The following DNMBP variants were observed in gnomAD, a reference collection of about 807,000 sequenced individuals.
DNMBP encodes dynamin binding protein.
Under a neutral mutation model 150.0 loss-of-function variants are expected in DNMBP, and 87 were observed. That is an observed-to-expected ratio of 0.58 (90% CI 0.49 to 0.69). DNMBP has a LOEUF of 0.69. DNMBP is among the 30% of genes least tolerant of loss of function. The probability of loss-of-function intolerance (pLI) is 0.00; values close to 1 mark genes in which losing one functional copy is unlikely to be tolerated. For missense variants in DNMBP, 1,774 were observed against 1,949.0 expected (o/e 0.91, Z 1.69); for synonymous variants, 711 against 750.4 (o/e 0.95, Z 0.86).
intron 1 of DNMBP, among the ~76,000 whole-genome samples, chr10:99,986,662 T>C (rs970085506): frequency 2.2e-5 from 3 of 137,266 alleles, no homozygotes; most frequent in Non-Finnish European, 4.6e-5. Flanking sequence ...TAATATTTAA[T>C]GAAGAAAACG....
intron 1 of DNMBP, among the ~76,000 whole-genome samples, chr10:99,978,780 C>T (rs1294025320): frequency 6.6e-6 from 1 of 152,122 alleles, no homozygotes; most frequent in Non-Finnish European, 1.5e-5. Flanking sequence ...CCATGTTGCC[C>T]AGGCTGGTGG....
rs543658844 is a variant in DNMBP at position 99,963,377 on chromosome 10, C to T, written c.268+5738G>A. On this transcript the variant is annotated intron_variant, in intron 3 of 16. Coordinates refer to ENST00000324109, the MANE Select transcript of DNMBP (RefSeq NM_015221.4). ...TGGGTCACCATATTCTGCCTCAATG[C>T]CCCTGTTTTATAGCCCTGTTACTGA... is the stretch of plus-strand genomic sequence containing the variant. 2.0e-4 allele frequency among the ~76,000 whole-genome samples: 30 copies of T among 151,552 alleles called. No individual in the cohort carries two copies. In the South Asian group the frequency reaches 5.8e-3, roughly 30 times the overall value.
In DNMBP at chr10:99,969,099, T is replaced by C. The variant is rs1021511621; in HGVS notation, c.268+16A>G. The C allele has an allele frequency of 6.8e-6, 11 of 1,613,344 alleles. No homozygotes were observed. Among genetic ancestry groups the C allele is most frequent in the African/African-American group, 1.3e-5 (1 of 74,886 alleles). ...AATCTAATTTCAAATAGTCTACTAT[T>C]TGATGAGCAGCTTACCTCGATGGAG... On this transcript the variant is annotated intron_variant, in intron 3 of 16. Transcript: ENST00000324109.
intron 1 of DNMBP, among the ~76,000 whole-genome samples, chr10:99,995,913 C>T (rs776887735): frequency 3.9e-5 from 6 of 152,246 alleles, no homozygotes; most frequent in Non-Finnish European, 8.8e-5. Flanking sequence ...CTACAATGGG[C>T]AGTTCTCTGC....
Position 99,885,852 on chromosome 10 carries a change from A to G in DNMBP, c.3633T>C (p.Ala1211=), listed in dbSNP as rs1564715737. The G allele has an allele frequency of 1.9e-6, 3 of 1,612,222 alleles. No homozygotes were observed. The highest frequency in any genetic ancestry group is 2.5e-6 in the Non-Finnish European group (3 of 1,179,092). The change falls in exon 14 of 17, where the codon GCT becomes GCC. Residue 1211 remains alanine (A), a synonymous_variant. Coordinates refer to ENST00000324109, the MANE Select transcript of DNMBP (RefSeq NM_015221.4). ...TGGCAATAAGGTTTCCCTCTCTGCC[A>G]GCCACTTTGAGTAACTGGGGTCCAT... The part of the protein sequence containing the change: ...LKPLLSLLKV[A]GREGNLIAIF...
chr10:99,902,787 G>A (rs1037696922), intron 6 of DNMBP, among the ~76,000 whole-genome samples: 12 of 151,662 alleles, frequency 7.9e-5, no homozygotes, highest in African/African-American at 2.9e-4. Flanking sequence ...AATTAGCCAG[G>A]CATGGTGGCA....
chr10:99,914,214 G>T, intron 4 of DNMBP: 1 of 856,582 alleles, frequency 1.2e-6, no homozygotes, highest in Non-Finnish European at 1.6e-6. Context: ...AGCAGTACCT[G>T]GATCAACACC....
intron 1 of DNMBP, among the ~76,000 whole-genome samples, chr10:99,990,776 CATATAT>C (rs1327444426): frequency 9.2e-6 from 1 of 109,072 alleles, no homozygotes; most frequent in East Asian, 2.3e-4. Context: ...CATATATACA[CATATAT>C]ACACACATAT....
At chr10:99,957,278 A>G in intron 3 of DNMBP, 73 bp from the exon 4 acceptor site, 1 of 1,331,558 alleles carries the variant, frequency 7.5e-7, no homozygotes, top group Non-Finnish European at 1.0e-6. Flanking sequence ...TAATAGTGCA[A>G]CCTCTCATTT....
intron 6 of DNMBP, among the ~76,000 whole-genome samples, chr10:99,900,999 G>A (rs568375980): frequency 4.6e-5 from 7 of 152,040 alleles, no homozygotes; most frequent in East Asian, 3.9e-4. Flanking sequence ...GCAGTGGTAC[G>A]ATCTTGGCTC....
chr10:99,922,502 G>GT (rs71189108), intron 4 of DNMBP, among the ~76,000 whole-genome samples: 2,124 of 78,766 alleles, frequency 0.027, 47 homozygotes, highest in South Asian at 0.059. Flanking sequence ...AGCTGCTGCT[G>GT]TTTTTTTTTT....
rs144269918 is a variant in DNMBP at position 99,910,093 on chromosome 10, T to C, written c.2261-947A>G. On this transcript the variant is annotated intron_variant, in intron 4 of 16. Transcript: ENST00000324109. ...CAATTAAACAACTACAAATTTGGTA[T>C]GTAAATATACTAGTAAGTCTGAGTA... is the stretch of plus-strand genomic sequence containing the variant. 2.3e-3 allele frequency among the ~76,000 whole-genome samples: 350 copies of C among 152,374 alleles called. 4 individuals are homozygous for C. Among genetic ancestry groups the C allele is most frequent in the Admixed American group, 0.016 (250 of 15,304 alleles).
chr10:99,954,597 A>C (rs1023478045), intron 4 of DNMBP, among the ~76,000 whole-genome samples: 1 of 151,864 alleles, frequency 6.6e-6, no homozygotes, highest in Non-Finnish European at 1.5e-5. Context: ...ATACAAAATT[A>C]GCCAGGCATG....
intron 11 of DNMBP, among the ~76,000 whole-genome samples, chr10:99,892,196 A>T (rs1335549408): frequency 1.4e-5 from 2 of 143,914 alleles, no homozygotes; most frequent in Non-Finnish European, 3.1e-5. Flanking sequence ...CTGCCCGGCC[A>T]GCCGCCCCGT....
chr10:99,928,087 A>G (rs2040102776), intron 4 of DNMBP: 1 of 152,186 alleles, frequency 6.6e-6, no homozygotes, highest in Non-Finnish European at 1.5e-5. Context: ...TGCACCTAGG[A>G]AAAAATGACT....
chr10:99,972,651 C>T (rs1367815829), intron 1 of DNMBP, among the ~76,000 whole-genome samples: 1 of 152,162 alleles, frequency 6.6e-6, no homozygotes, highest in African/African-American at 2.4e-5. Flanking sequence ...CGCTTTATCA[C>T]CCAGGCTGGA....
intron 13 of DNMBP, 74 bp downstream of exon 13, chr10:99,886,226 G>A: frequency 7.8e-7 from 1 of 1,274,720 alleles, no homozygotes; most frequent in East Asian, 2.3e-5. Flanking sequence ...TTCAAACCAT[G>A]CTACCATTTT....
intron 6 of DNMBP, among the ~76,000 whole-genome samples, chr10:99,900,273 T>C (rs1406645649): frequency 1.3e-5 from 2 of 152,176 alleles, no homozygotes; most frequent in Non-Finnish European, 2.9e-5. Context: ...AGCCATGTCA[T>C]CCGTATATGT....
At chr10:99,893,257 G>A (rs2039600111) in intron 11 of DNMBP, among the ~76,000 whole-genome samples, 1 of 152,092 alleles carries the variant, frequency 6.6e-6, no homozygotes, top group African/African-American at 2.4e-5. Context: ...ACAAGATTTG[G>A]CTCAGAAGTA....
Sources: allele counts gnomAD v4.1 joint callset (sites outside exome capture counted in the v4.1 genomes callset), GRCh38; gene constraint gnomAD v4.1.1; transcripts MANE v1.5; gene names NCBI Gene and HGNC (gene_info 2026-07-23, HGNC 2026-07-21).